The following SUCO variants were observed in gnomAD, a reference collection of about 807,000 sequenced individuals.
The protein encoded by SUCO is SUN domain-containing ossification factor.
In SUCO, 57 loss-of-function variants were observed where a neutral mutation model predicts 148.1. That is an observed-to-expected ratio of 0.38 (90% CI 0.31 to 0.48). SUCO has a LOEUF of 0.48. Among genes scored for constraint, SUCO ranks in the 20% least tolerant of loss-of-function variants. The pLI is 0.96. For synonymous variants in SUCO, 470 were observed against 502.7 expected (o/e 0.93, Z 0.87); for missense variants, 1,331 against 1,468.2 (o/e 0.91, Z 1.53).
chr1:172,609,245 C>T, intron 23 of SUCO: 1 of 984,538 alleles, frequency 1.0e-6, no homozygotes, highest in Non-Finnish European at 1.2e-6. Flanking sequence ...AAAACAGCAA[C>T]TCAGAATGTA....
chr1:172,582,460 G>A (rs1206191607), intron 15 of SUCO, among the ~76,000 whole-genome samples: 1 of 152,044 alleles, frequency 6.6e-6, no homozygotes, highest in African/African-American at 2.4e-5. Context: ...TTGGTCTTTA[G>A]GACCAAATAT....
intron 15 of SUCO, among the ~76,000 whole-genome samples, chr1:172,579,861 A>G (rs979828851): frequency 5.3e-5 from 8 of 152,272 alleles, no homozygotes; most frequent in African/African-American, 1.2e-4. Context: ...GTATATTTCA[A>G]TGATGTTTTT....
intron 1 of SUCO, among the ~76,000 whole-genome samples, chr1:172,547,471 CACA>C (rs1201344503): frequency 1.3e-5 from 2 of 152,090 alleles, no homozygotes; most frequent in Admixed American, 6.5e-5. Context: ...CTGAGAAAGT[CACA>C]ACATCATTAT....
intron 4 of SUCO, 122 bp from the exon 5 acceptor site, chr1:172,557,158 A>C: frequency 7.1e-7 from 1 of 1,412,660 alleles, no homozygotes; most frequent in Non-Finnish European, 9.3e-7. Context: ...TTGACTTTAC[A>C]TGATTTAAAA....
chr1:172,580,010 A>G (rs897347033), intron 15 of SUCO, among the ~76,000 whole-genome samples: 2 of 152,164 alleles, frequency 1.3e-5, no homozygotes, highest in South Asian at 4.1e-4. Flanking sequence ...CTCTTAGTGA[A>G]TTGAATTGTT....
chr1:172,605,330 T>C (rs569732324), intron 22 of SUCO, among the ~76,000 whole-genome samples: 27 of 152,020 alleles, frequency 1.8e-4, no homozygotes, highest in African/African-American at 6.3e-4. Flanking sequence ...TTGTGTTGAT[T>C]TTTGTATATA....
rs199530866 is a variant in SUCO at position 172,537,775 on chromosome 1, A to G, written c.62+4278A>G. 3.3e-5 allele frequency among the ~76,000 whole-genome samples: 5 copies of G among 152,340 alleles called. No individual in the cohort carries two copies. In the East Asian group the frequency reaches 9.6e-4, roughly 29 times the overall value. On this transcript the variant is annotated intron_variant, in intron 1 of 23. Coordinates refer to ENST00000263688, the MANE Select transcript of SUCO (RefSeq NM_014283.5). ...AGCTTGACATTTAAACAAGTCTCAT[A>G]CATTTGGCAAATATAACAGGTACTT...
chr1:172,576,409 A>G (rs574423465), intron 11 of SUCO, among the ~76,000 whole-genome samples: 39 of 151,786 alleles, frequency 2.6e-4, no homozygotes, highest in African/African-American at 9.4e-4. Flanking sequence ...CATGTTTTAA[A>G]TTGACTTCTA....
At chr1:172,543,072 C>A in intron 1 of SUCO, 1 of 947,120 alleles carries the variant, frequency 1.1e-6, no homozygotes. Flanking sequence ...AGAGTAGCTT[C>A]ATACTTGTAT....
intron 1 of SUCO, among the ~76,000 whole-genome samples, chr1:172,540,127 A>C (rs1482002424): frequency 6.6e-6 from 1 of 152,240 alleles, no homozygotes; most frequent in Non-Finnish European, 1.5e-5. Flanking sequence ...AAAGGTGGGC[A>C]CAAAGAAGTT....
chr1:172,578,457 G>A, intron 14 of SUCO, 68 bp downstream of exon 14: 1 of 1,494,886 alleles, frequency 6.7e-7, no homozygotes, highest in Non-Finnish European at 9.2e-7. Flanking sequence ...AATAGTAATG[G>A]GGGAGTATAG....
At chr1:172,553,816 CAT>C (rs1253707908) in intron 3 of SUCO, among the ~76,000 whole-genome samples, 1 of 152,138 alleles carries the variant, frequency 6.6e-6, no homozygotes, top group South Asian at 2.1e-4. Context: ...CTTTTTCTCT[CAT>C]ATTACATTCT....
intron 22 of SUCO, 56 bp downstream of exon 22, chr1:172,602,843 A>G (rs1403338578): frequency 2.1e-6 from 3 of 1,414,882 alleles, no homozygotes; most frequent in Middle Eastern, 2.0e-4. Flanking sequence ...AGCTTCTGGC[A>G]TAAATATAAT....
intron 6 of SUCO, among the ~76,000 whole-genome samples, chr1:172,561,116 G>A (rs1447620961): frequency 6.6e-6 from 1 of 152,236 alleles, no homozygotes; most frequent in African/African-American, 2.4e-5. Context: ...TTACCTCACT[G>A]CAGCATTGGT....
intron 1 of SUCO, among the ~76,000 whole-genome samples, chr1:172,545,451 A>G (rs1212549575): frequency 1.3e-5 from 2 of 152,242 alleles, no homozygotes; most frequent in Non-Finnish European, 2.9e-5. Flanking sequence ...GAACAGAAGC[A>G]GCATATCAAA....
intron 1 of SUCO, among the ~76,000 whole-genome samples, chr1:172,549,125 G>T (rs1204602175): frequency 6.6e-6 from 1 of 151,586 alleles, no homozygotes; most frequent in Admixed American, 6.6e-5. Flanking sequence ...CTACTTTGTT[G>T]TTTTCATATT....
chr1:172,555,108 A>G (rs1449885199), intron 3 of SUCO, among the ~76,000 whole-genome samples: 1 of 152,166 alleles, frequency 6.6e-6, no homozygotes, highest in Non-Finnish European at 1.5e-5. Flanking sequence ...ACTGTGCGCT[A>G]GATACTGTGC....
chr1:172,601,630 A>G (rs1657537988), intron 20 of SUCO, among the ~76,000 whole-genome samples: 1 of 152,186 alleles, frequency 6.6e-6, no homozygotes, highest in East Asian at 1.9e-4. Context: ...GATAAGCCTT[A>G]AGGAACTAAG....
chr1:172,546,273 ATCTC>A (rs1429245300), intron 1 of SUCO, among the ~76,000 whole-genome samples: 1 of 152,192 alleles, frequency 6.6e-6, no homozygotes, highest in African/African-American at 2.4e-5. Flanking sequence ...GCAAACTTAG[ATCTC>A]TCTCCAAATT....
Sources: gnomAD v4.1 joint callset for allele counts (sites outside exome capture counted in the v4.1 genomes callset) on GRCh38, gnomAD v4.1.1 for gene constraint, MANE v1.5 for transcripts, NCBI Gene and HGNC (gene_info 2026-07-23, HGNC 2026-07-21) for gene names.